CDK5RAP2: variants seen among roughly 807,000 people sequenced by gnomAD.
The protein encoded by CDK5RAP2 is CDK5 regulatory subunit-associated protein 2.
In CDK5RAP2, 147 loss-of-function variants were observed where a neutral mutation model predicts 232.9. The observed-to-expected ratio is 0.63, with a 90% CI of 0.55 to 0.72. CDK5RAP2 has a LOEUF of 0.72. CDK5RAP2 is among the 30% of genes least tolerant of loss of function. The pLI, the probability that CDK5RAP2 is intolerant of heterozygous loss-of-function variation, is 0.00. For synonymous variants in CDK5RAP2, 833 were observed against 833.7 expected (o/e 1.00, Z 0.01); for missense variants, 2,195 against 2,231.5 (o/e 0.98, Z 0.33).
In CDK5RAP2 at chr9:120,403,514, A is replaced by T. The variant is rs2033213369; in HGVS notation, c.5042-443T>A. 3.5e-6 allele frequency: 1 copy of T among 284,840 alleles called. No homozygotes were observed. The highest frequency in any genetic ancestry group is 3.9e-5 in the South Asian group (1 of 25,548). 17.6% of individuals were successfully genotyped at this position (284,840 alleles called of 1,614,324 possible). A position where few individuals can be genotyped will look rare whatever the true frequency, so the allele number is the denominator to read the frequency against. ...TGAGAAGGAGCAGCATTTGAACTGG[A>T]TTGAGCAAGTAGCAAGAATTACACG... On this transcript the variant is annotated intron_variant, in intron 33 of 37. Coordinates refer to ENST00000349780, the MANE Select transcript of CDK5RAP2 (RefSeq NM_018249.6). This position sits in a 1 kb window ranked among gnomAD's most constrained non-coding sequence, Gnocchi z 4.2.
chr9:120,480,153 G>A (rs905040942), intron 14 of CDK5RAP2, among the ~76,000 whole-genome samples: 5 of 152,194 alleles, frequency 3.3e-5, no homozygotes, highest in South Asian at 2.1e-4. Context: ...TGCTGGAGGC[G>A]GATGTTCAGT....
intron 1 of CDK5RAP2, among the ~76,000 whole-genome samples, chr9:120,576,252 T>G (rs576106754): frequency 6.6e-6 from 1 of 152,362 alleles, no homozygotes; most frequent in African/African-American, 2.4e-5. Flanking sequence ...TTCTCTAGAA[T>G]AGATGACAAG....
At chr9:120,412,453 T>G (rs1308976677) in intron 28 of CDK5RAP2, among the ~76,000 whole-genome samples, 1 of 152,228 alleles carries the variant, frequency 6.6e-6, no homozygotes, top group African/African-American at 2.4e-5. Context: ...GGAAGTCTGC[T>G]GGGAGCTTCT....
intron 12 of CDK5RAP2, among the ~76,000 whole-genome samples, chr9:120,511,356 T>C (rs2040074010): frequency 6.6e-6 from 1 of 152,214 alleles, no homozygotes; most frequent in South Asian, 2.1e-4. Flanking sequence ...GCAGCATTTC[T>C]AACTGATTTT....
At chr9:120,547,557 T>C (rs535926710) in intron 4 of CDK5RAP2, among the ~76,000 whole-genome samples, 188 of 152,082 alleles carry the variant, frequency 1.2e-3, no homozygotes, top group African/African-American at 4.3e-3. Flanking sequence ...TGAGCCAAGA[T>C]TGCACCACTG....
chr9:120,492,955 G>C (rs752776840), intron 12 of CDK5RAP2, among the ~76,000 whole-genome samples: 3 of 152,128 alleles, frequency 2.0e-5, no homozygotes, highest in Non-Finnish European at 4.4e-5. Flanking sequence ...GCCTAGAATT[G>C]GTGTCCTCCC....
intron 12 of CDK5RAP2, among the ~76,000 whole-genome samples, chr9:120,497,282 G>A (rs1475126386): frequency 2.3e-5 from 3 of 127,928 alleles, no homozygotes; most frequent in Admixed American, 7.6e-5. Context: ...GTGGAAGGCC[G>A]CAGGGTCCTC....
Position 120,429,826 on chromosome 9 carries a change from A to G in CDK5RAP2, c.3956-7085T>C, listed in dbSNP as rs1588310645. 1.3e-5 allele frequency among the ~76,000 whole-genome samples: 2 copies of G among 152,322 alleles called. 1 individual carries two copies. The highest frequency in any genetic ancestry group is 4.8e-5 in the African/African-American group (2 of 41,576). On this transcript the variant is annotated intron_variant, in intron 25 of 37. Transcript: ENST00000349780. ...AGTCAATCCTAAGCCAAAAGAACAA[A>G]GCTGGAGGCATCACACTACCTGACT...
Position 120,471,816 on chromosome 9 carries a change from T to C in CDK5RAP2, c.1790A>G (p.Asp597Gly). Residue 597 changes from aspartate to glycine, a missense_variant, in exon 16 of 38, where the codon GAT becomes GGT. Transcript: ENST00000349780. ...IFALRKQLEQ[D>G]VLSYQNLRKT... ...CCGCAAATTCTGATATGAAAGCACA[T>C]CCTGCTCCAGTTGCTTCCGCAGGGC... The C allele has an allele frequency of 6.2e-7, 1 of 1,613,522 alleles. No homozygotes were observed.
chr9:120,449,115 C>A (rs553463323), intron 21 of CDK5RAP2, among the ~76,000 whole-genome samples: 1 of 152,208 alleles, frequency 6.6e-6, no homozygotes, highest in South Asian at 2.1e-4. Flanking sequence ...AGTTATACCC[C>A]CTTCCACTTC....
At chr9:120,484,889 AT>A (rs879724982) in intron 14 of CDK5RAP2, among the ~76,000 whole-genome samples, 9,305 of 143,238 alleles carry the variant, frequency 0.065, 850 homozygotes, top group African/African-American at 0.21. Flanking sequence ...TAATTTTAAT[AT>A]TTTTTTTTTT....
At chr9:120,440,699 G>A (rs894366868) in intron 23 of CDK5RAP2, among the ~76,000 whole-genome samples, 3 of 152,202 alleles carry the variant, frequency 2.0e-5, no homozygotes, top group East Asian at 1.9e-4. Context: ...CAGACTGCAC[G>A]TTTCTTCACA....
At chr9:120,567,360 C>T (rs1387487533) in intron 3 of CDK5RAP2, among the ~76,000 whole-genome samples, 1 of 152,212 alleles carries the variant, frequency 6.6e-6, no homozygotes, top group Admixed American at 6.5e-5. Flanking sequence ...CAGCACTGCT[C>T]TGTTCTGTAA....
intron 5 of CDK5RAP2, among the ~76,000 whole-genome samples, chr9:120,545,073 G>A (rs2041785886): frequency 6.6e-6 from 1 of 151,958 alleles, no homozygotes; most frequent in African/African-American, 2.4e-5. Flanking sequence ...TTTTTAAGGA[G>A]GAGAACCTCT....
intron 7 of CDK5RAP2, 30 bp downstream of exon 7, chr9:120,536,342 G>A: frequency 6.2e-7 from 1 of 1,611,860 alleles, no homozygotes; most frequent in Middle Eastern, 1.7e-4. Flanking sequence ...ATAATGTGAT[G>A]TCAGGGTATG....
chr9:120,521,748 C>T (rs1289944661), intron 11 of CDK5RAP2, among the ~76,000 whole-genome samples: 1 of 151,182 alleles, frequency 6.6e-6, no homozygotes, highest in Non-Finnish European at 1.5e-5. Flanking sequence ...CGGGTTCACA[C>T]CATTCTCCTG....
At chr9:120,554,606 A>G (rs1200421760) in intron 3 of CDK5RAP2, among the ~76,000 whole-genome samples, 1 of 152,126 alleles carries the variant, frequency 6.6e-6, no homozygotes, top group Non-Finnish European at 1.5e-5. Context: ...GAATTTGACG[A>G]TTTCAAAATG....
chr9:120,452,352 T>C (rs2036524213), intron 21 of CDK5RAP2, among the ~76,000 whole-genome samples: 2 of 152,058 alleles, frequency 1.3e-5, no homozygotes, highest in African/African-American at 4.8e-5. Context: ...AAAAGCAATT[T>C]TGCTAATGAT....
At chr9:120,460,748 C>CA in intron 18 of CDK5RAP2, 81 bp from the exon 19 acceptor site, 1 of 1,236,534 alleles carries the variant, frequency 8.1e-7, no homozygotes, top group Non-Finnish European at 1.1e-6. Context: ...TCAGTGATGT[C>CA]TTTTTTTTTT....
Sources: gnomAD v4.1 joint callset for allele counts (sites outside exome capture counted in the v4.1 genomes callset) on GRCh38, gnomAD v4.1.1 for gene constraint, Gnocchi (gnomAD v3.1) non-coding constraint, MANE v1.5 for transcripts, NCBI Gene and HGNC (gene_info 2026-07-23, HGNC 2026-07-21) for gene names.